The following KLF8 variants were observed in gnomAD, a reference collection of about 807,000 sequenced individuals.
KLF8 encodes the protein Krueppel-like factor 8.
KLF8 carries 10 observed loss-of-function variants against 18.2 expected under a neutral mutation model. The ratio of observed to expected loss-of-function variants is 0.55; its 90% CI spans 0.34 to 0.93. KLF8 has a LOEUF of 0.93. Among genes scored for constraint, KLF8 ranks in the 40% least tolerant of loss-of-function variants. The pLI is 0.02. For synonymous variants in KLF8, 109 were observed against 97.3 expected, an observed-to-expected ratio of 1.12 and a Z score of -0.71; for missense variants, 264 against 277.9, an observed-to-expected ratio of 0.95 and a Z score of 0.36.
the KLF8 span, among the ~76,000 whole-genome samples, chrX:56,176,313 T>C: frequency 2.7e-5 from 3 of 111,891 alleles, no homozygotes; most frequent in South Asian, 3.7e-4. Context: ...GACAAAATCT[T>C]TCAGCATTTG....
chrX:55,915,986 T>G, the KLF8 span, among the ~76,000 whole-genome samples: 1 of 111,915 alleles, frequency 8.9e-6, no homozygotes, highest in Non-Finnish European at 1.9e-5. Context: ...GAGCAAGAGA[T>G]AGCTCCCTCA....
At chrX:56,162,188 G>C in the KLF8 span, among the ~76,000 whole-genome samples, 1 of 111,940 alleles carries the variant, frequency 8.9e-6, no homozygotes, top group South Asian at 3.7e-4. Flanking sequence ...CTACTGTGGG[G>C]TGCCTCCCAG....
At chrX:56,198,048 C>A in the KLF8 span, among the ~76,000 whole-genome samples, 4 of 112,051 alleles carry the variant, frequency 3.6e-5, no homozygotes, top group Admixed American at 1.9e-4. Flanking sequence ...GCCTTCCATG[C>A]TAAAAACTCT....
At chrX:56,113,516 T>C in the KLF8 span, among the ~76,000 whole-genome samples, 1 of 108,153 alleles carries the variant, frequency 9.2e-6, no homozygotes, top group Non-Finnish European at 1.9e-5. Flanking sequence ...GTCTCCATTT[T>C]ACTATTTCAG....
At chrX:56,157,188 G>C in the KLF8 span, among the ~76,000 whole-genome samples, 2 of 98,044 alleles carry the variant, frequency 2.0e-5, no homozygotes, top group African/African-American at 7.5e-5. Context: ...TCAACAATGA[G>C]AACATATGGA....
At chrX:56,052,983 A>T in the KLF8 span, among the ~76,000 whole-genome samples, 3 of 111,769 alleles carry the variant, frequency 2.7e-5, no homozygotes, top group Non-Finnish European at 5.7e-5. Flanking sequence ...GCCGTTTTTT[A>T]AGCCCGTCAG....
At chrX:56,189,206 C>T in the KLF8 span, among the ~76,000 whole-genome samples, 36 of 111,411 alleles carry the variant, frequency 3.2e-4, 1 homozygote, top group East Asian at 8.5e-4. Flanking sequence ...AAAAAGTGGA[C>T]GAAGGACATG....
the KLF8 span, among the ~76,000 whole-genome samples, chrX:56,007,055 C>A: frequency 8.9e-6 from 1 of 112,010 alleles, no homozygotes; most frequent in African/African-American, 3.2e-5. Flanking sequence ...GTGGGGATGC[C>A]ATCAGTGGCA....
At chrX:56,254,294 G>A (rs936868620) in intron 2 of KLF8, among the ~76,000 whole-genome samples, 2 of 112,061 alleles carry the variant, frequency 1.8e-5, no homozygotes, top group African/African-American at 6.5e-5. Flanking sequence ...AACCTGCTGT[G>A]TTCTACCCCT....
the KLF8 span, among the ~76,000 whole-genome samples, chrX:55,995,849 A>C: frequency 2.6e-4 from 29 of 111,013 alleles, no homozygotes; most frequent in Admixed American, 2.8e-3. Flanking sequence ...TCTGATGACT[A>C]TGAGTCTTGA....
chrX:55,994,071 C>T, the KLF8 span, among the ~76,000 whole-genome samples: 9 of 109,211 alleles, frequency 8.2e-5, no homozygotes, highest in South Asian at 8.1e-4. Flanking sequence ...CCACCATGTC[C>T]GGCGAATTTT....
chrX:56,185,879 A>C, the KLF8 span, among the ~76,000 whole-genome samples: 104 of 112,150 alleles, frequency 9.3e-4, no homozygotes, highest in African/African-American at 3.3e-3. Flanking sequence ...AGGAAGCACT[A>C]AACATGGAAA....
chrX:56,089,219 G>C, the KLF8 span, among the ~76,000 whole-genome samples: 9 of 111,190 alleles, frequency 8.1e-5, no homozygotes, highest in Non-Finnish European at 1.7e-4. Flanking sequence ...TCAGTGCCAA[G>C]ATCTCATCCA....
intron 1 of KLF8, among the ~76,000 whole-genome samples, chrX:56,238,130 C>T (rs1229164647): frequency 8.9e-6 from 1 of 111,763 alleles, no homozygotes; most frequent in African/African-American, 3.3e-5. Flanking sequence ...CCTAGTCCCA[C>T]ACTTTTAAAA....
the KLF8 span, among the ~76,000 whole-genome samples, chrX:56,082,913 G>T: frequency 1.7e-4 from 19 of 111,639 alleles, no homozygotes; most frequent in Non-Finnish European, 2.4e-4. Flanking sequence ...AGTCTTGCTG[G>T]GGATCTTTTA....
the KLF8 span, among the ~76,000 whole-genome samples, chrX:56,207,669 T>G: frequency 1.8e-5 from 2 of 111,101 alleles, no homozygotes; most frequent in African/African-American, 6.5e-5. Flanking sequence ...TCAAAGCCAT[T>G]TAACAAGTCT....
At chrX:56,281,195 T>C (rs998497020) in intron 5 of KLF8, among the ~76,000 whole-genome samples, 1 of 111,597 alleles carries the variant, frequency 9.0e-6, no homozygotes, top group Non-Finnish European at 1.9e-5. Context: ...GTTTTTCATC[T>C]GTCTTTTATA....
chrX:56,165,912 A>G, the KLF8 span, among the ~76,000 whole-genome samples: 1 of 110,645 alleles, frequency 9.0e-6, no homozygotes, highest in Non-Finnish European at 1.9e-5. Context: ...TCAGAAAACC[A>G]TTTTAACTTT....
At chrX:55,979,449 A>G in the KLF8 span, among the ~76,000 whole-genome samples, 1 of 112,118 alleles carries the variant, frequency 8.9e-6, no homozygotes, top group Non-Finnish European at 1.9e-5. Flanking sequence ...GTCTTGGTAC[A>G]TATCCCACAT....
Sources: gnomAD v4.1 joint callset for allele counts (sites outside exome capture counted in the v4.1 genomes callset) on GRCh38, gnomAD v4.1.1 for gene constraint, MANE v1.5 for transcripts, NCBI Gene and HGNC (gene_info 2026-07-23, HGNC 2026-07-21) for gene names.